KCTD16: variants seen among roughly 807,000 people sequenced by gnomAD.
KCTD16 encodes potassium channel tetramerization domain containing 16.
In KCTD16, 13 loss-of-function variants were observed where a neutral mutation model predicts 33.2. The ratio of observed to expected loss-of-function variants is 0.39; its 90% CI spans 0.25 to 0.62. KCTD16 has a LOEUF of 0.62. KCTD16 is among the 20% of genes least tolerant of loss of function. KCTD16 has a pLI of 0.50. For synonymous variants in KCTD16, 197 were observed against 195.3 expected, an observed-to-expected ratio of 1.01 and a Z score of -0.07; for missense variants, 441 against 525.1, an observed-to-expected ratio of 0.84 and a Z score of 1.57.
intron 3 of KCTD16, among the ~76,000 whole-genome samples, chr5:144,448,262 A>G (rs1000031018): frequency 6.6e-5 from 10 of 152,112 alleles, no homozygotes; most frequent in African/African-American, 2.2e-4. Flanking sequence ...TATTACAAGT[A>G]TCTGGTTTTA....
In KCTD16 at chr5:144,231,503, TAAGCTTTAATCTA is replaced by T; in HGVS notation, c.832+23958_832+23970del. Among the ~76,000 whole-genome samples the T allele has an allele frequency of 2.0e-5, 3 of 152,288 alleles. No homozygotes were observed. In the Middle Eastern group the frequency reaches 0.01, roughly 522 times the overall value. Reference sequence around the variant, plus strand: ...CCTGTCTATGTCTCAACTTTCCAACTAAGCTTTAATCTAGTGATAGTCTGTGATACTACATACC... The same window carrying T: ...CCTGTCTATGTCTCAACTTTCCAACTGTGATAGTCTGTGATACTACATACC... On this transcript the variant is annotated intron_variant, in intron 3 of 3. Coordinates refer to ENST00000512467, the MANE Select transcript of KCTD16 (RefSeq NM_020768.4).
chr5:144,296,783 T>C (rs1428460937), intron 3 of KCTD16, among the ~76,000 whole-genome samples: 1 of 152,148 alleles, frequency 6.6e-6, no homozygotes, highest in Non-Finnish European at 1.5e-5. Flanking sequence ...TAAAAAGTAG[T>C]TCTCATTTTT....
intron 3 of KCTD16, among the ~76,000 whole-genome samples, chr5:144,357,496 A>G (rs929700701): frequency 5.3e-5 from 8 of 151,986 alleles, no homozygotes; most frequent in African/African-American, 1.9e-4. Context: ...AAAATAAAAC[A>G]CTCTAGCCAT....
At chr5:144,465,051 T>TTAA (rs1754290360) in intron 3 of KCTD16, among the ~76,000 whole-genome samples, 1 of 152,152 alleles carries the variant, frequency 6.6e-6, no homozygotes, top group Non-Finnish European at 1.5e-5. Flanking sequence ...AAGGTAGAGA[T>TTAA]TAAGCATTGT....
intron 2 of KCTD16, among the ~76,000 whole-genome samples, chr5:144,176,163 C>A (rs892583720): frequency 6.6e-6 from 1 of 152,026 alleles, no homozygotes. Context: ...TTCTCATATT[C>A]GATTTTCTTG....
At chr5:144,179,852 A>G (rs1752580848) in intron 2 of KCTD16, among the ~76,000 whole-genome samples, 1 of 152,242 alleles carries the variant, frequency 6.6e-6, no homozygotes, top group African/African-American at 2.4e-5. Context: ...CGTTTAACAA[A>G]GATTTATTGA....
At position 144,206,586 on chromosome 5, in the gene KCTD16, T is replaced by G. The variant is rs955691608; in HGVS notation, c.-129T>G. On this transcript the variant is annotated 5_prime_UTR_variant, in exon 3 of 4. Coordinates refer to ENST00000512467, the MANE Select transcript of KCTD16 (RefSeq NM_020768.4). ...ATTTCTTGGGGGAAAAATACTGGGA[T>G]AAGAGGAGGTCATTTTTTAATAAGT... 3.1e-5 allele frequency: 23 copies of G among 753,910 alleles called. No homozygotes were observed. The African/African-American group carries it at 3.7e-4, about 12-fold the overall frequency. 46.7% of individuals were successfully genotyped at this position (753,910 alleles called of 1,614,324 possible).
rs560204644 is a variant in KCTD16 at position 144,376,712 on chromosome 5, T to C, written c.833-96948T>C. Among the ~76,000 whole-genome samples, 40 of 152,288 alleles carry C rather than the reference T, an allele frequency of 2.6e-4. No homozygotes were observed. In the East Asian group the frequency reaches 6.9e-3, roughly 26 times the overall value. ...TTCCTGTGAGTCCTAGATTTCCAGT[T>C]AGAAAAAAGGATCCAACAATATTCT... is the stretch of plus-strand genomic sequence containing the variant. On this transcript the variant is annotated intron_variant, in intron 3 of 3. Coordinates refer to ENST00000512467, the MANE Select transcript of KCTD16 (RefSeq NM_020768.4).
At chr5:144,361,704 C>A (rs550162685) in intron 3 of KCTD16, among the ~76,000 whole-genome samples, 2 of 152,220 alleles carry the variant, frequency 1.3e-5, no homozygotes, top group South Asian at 2.1e-4. Context: ...CTCAGGATAT[C>A]TTTATGTACT....
intron 3 of KCTD16, among the ~76,000 whole-genome samples, chr5:144,261,081 A>G (rs551388716): frequency 2.5e-4 from 38 of 151,182 alleles, no homozygotes; most frequent in African/African-American, 8.3e-4. Flanking sequence ...AGAGGCTGTC[A>G]TGCTTAAGAT....
chr5:144,446,632 G>A (rs1372622078), intron 3 of KCTD16, among the ~76,000 whole-genome samples: 1 of 152,000 alleles, frequency 6.6e-6, no homozygotes, highest in Non-Finnish European at 1.5e-5. Flanking sequence ...CTACAGAATG[G>A]GAGAACATTT....
chr5:144,186,503 G>A (rs1050322071), intron 2 of KCTD16, among the ~76,000 whole-genome samples: 2 of 152,040 alleles, frequency 1.3e-5, no homozygotes, highest in African/African-American at 4.8e-5. Context: ...ATTTATATGT[G>A]CTTTAACAAT....
chr5:144,206,382 C>A lies in KCTD16; in HGVS notation c.-326-7C>A. On this transcript the variant is annotated splice_region_variant and splice_polypyrimidine_tract_variant and intron_variant, in intron 2 of 3. Coordinates refer to ENST00000512467, the MANE Select transcript of KCTD16 (RefSeq NM_020768.4). Reference sequence around the variant, plus strand: ...TTGAGGAAATAATTTTTTCTCTTTTCCTTCAGACGGACATCTGAGTAACTG... The same window carrying A: ...TTGAGGAAATAATTTTTTCTCTTTTACTTCAGACGGACATCTGAGTAACTG... The A allele has an allele frequency of 9.0e-6, 2 of 221,944 alleles. No homozygotes were observed. The highest frequency in any genetic ancestry group is 9.3e-5 in the East Asian group (1 of 10,700). The allele number at this position is 221,944 out of a possible 1,614,324, so 13.7% of individuals were successfully genotyped here.
chr5:144,381,893 A>G (rs1205046805), intron 3 of KCTD16, among the ~76,000 whole-genome samples: 1 of 152,248 alleles, frequency 6.6e-6, no homozygotes, highest in African/African-American at 2.4e-5. Flanking sequence ...CTAAAGGAAT[A>G]TAAATAATTC....
At chr5:144,328,741 T>C (rs1202495054) in intron 3 of KCTD16, among the ~76,000 whole-genome samples, 1 of 152,070 alleles carries the variant, frequency 6.6e-6, no homozygotes, top group Non-Finnish European at 1.5e-5. Flanking sequence ...TACTCATAGC[T>C]GGAGATCTAC....
intron 3 of KCTD16, among the ~76,000 whole-genome samples, chr5:144,349,310 A>G (rs989027963): frequency 9.9e-5 from 15 of 152,188 alleles, no homozygotes; most frequent in African/African-American, 3.6e-4. Context: ...TTTGCCAGCT[A>G]CATGACCCTG....
chr5:144,240,941 G>C (rs1320892313), intron 3 of KCTD16, among the ~76,000 whole-genome samples: 1 of 152,096 alleles, frequency 6.6e-6, no homozygotes, highest in African/African-American at 2.4e-5. Context: ...AGGCTGGTGA[G>C]GAGATACAAG....
chr5:144,300,959 C>T (rs565451260), intron 3 of KCTD16, among the ~76,000 whole-genome samples: 5 of 152,066 alleles, frequency 3.3e-5, no homozygotes, highest in East Asian at 3.9e-4. Flanking sequence ...AAGATTATTA[C>T]GGGCACGGCA....
chr5:144,330,937 A>T (rs1269423212), intron 3 of KCTD16, among the ~76,000 whole-genome samples: 1 of 152,228 alleles, frequency 6.6e-6, no homozygotes. Context: ...GAGGGACTTT[A>T]ATAACAACGG....
Sources: gnomAD v4.1 joint callset for allele counts (sites outside exome capture counted in the v4.1 genomes callset) on GRCh38, gnomAD v4.1.1 for gene constraint, MANE v1.5 for transcripts, NCBI Gene and HGNC (gene_info 2026-07-23, HGNC 2026-07-21) for gene names.